The following CAPN12 variants were observed in gnomAD, a reference collection of about 807,000 sequenced individuals.
CAPN12 encodes the protein calpain 12, also known as calpain-12.
In CAPN12, 107 loss-of-function variants were observed where a neutral mutation model predicts 95.0. That is an observed-to-expected ratio of 1.13 (90% CI 0.96 to 1.32). CAPN12 has a LOEUF of 1.32. Among genes scored for constraint, CAPN12 ranks in the 40% most tolerant of loss-of-function variants. The pLI is 0.00. For missense variants in CAPN12, 1,136 were observed against 997.8 expected (o/e 1.14, Z -1.87); for synonymous variants, 505 against 415.5 (o/e 1.22, Z -2.62).
At chr19:38,734,663 C>G (rs1171925889) in intron 15 of CAPN12, 150 bp downstream of exon 15, 1 of 722,278 alleles carries the variant, frequency 1.4e-6, no homozygotes, top group Admixed American at 2.9e-5. Context: ...CACAAGATCC[C>G]CTGCAGGGAG....
In CAPN12 at chr19:38,730,370, AGAGGTG is replaced by A. The variant is rs1969486097; in HGVS notation, c.*476_*481del. 5.3e-6 allele frequency: 1 copy of A among 187,256 alleles called. No individual in the cohort carries two copies. The highest frequency in any genetic ancestry group is 1.1e-5 in the Non-Finnish European group (1 of 88,628). 11.6% of individuals were successfully genotyped at this position (187,256 alleles called of 1,614,324 possible). A position where few individuals can be genotyped will look rare whatever the true frequency, so the allele number is the denominator to read the frequency against. ...GGGCGTGGGTCTCTGGGGACCCTCC[AGAGGTG>A]GAGGTGGGCTGATGGCCTGGCTGCC... On this transcript the variant is annotated 3_prime_UTR_variant, in exon 21 of 21. Transcript: ENST00000328867.
Position 38,730,883 on chromosome 19 carries a change from G to C in CAPN12, c.2134-5C>G. ...GAAGGTGGCCACCTCCATCCACTAA[G>C]GAAGAGAAGGAAGACAGTGGCTTGA... On this transcript the variant is annotated splice_polypyrimidine_tract_variant and splice_region_variant and intron_variant, in intron 20 of 20. Coordinates refer to ENST00000328867, the MANE Select transcript of CAPN12 (RefSeq NM_144691.4). 6.4e-7 allele frequency: 1 copy of C among 1,551,594 alleles called. No homozygotes were observed. The highest frequency in any genetic ancestry group is 2.4e-5 in the East Asian group (1 of 41,076).
chr19:38,736,715 A>AGGCCCTCGCCGACCCC lies in CAPN12; in HGVS notation c.1363-168_1363-153dup, dbSNP rs1215517568. The AGGCCCTCGCCGACCCC allele has an allele frequency of 8.1e-5, 79 of 977,492 alleles. No homozygotes were observed. The South Asian group carries it at 1.1e-3, about 14-fold the overall frequency. The allele number at this position is 977,492 out of a possible 1,614,324, so 60.6% of individuals were successfully genotyped here. On this transcript the variant is annotated intron_variant, in intron 10 of 20. Transcript: ENST00000328867. ...ACCTTTGCCCCGCAGTCCCCGACCCAGGCCCTCGCCGACCCCTCCCCAACT... is the reference window on the plus strand; with the variant it reads ...ACCTTTGCCCCGCAGTCCCCGACCCAGGCCCTCGCCGACCCCGGCCCTCGCCGACCCCTCCCCAACT...
chr19:38,736,551 C>A lies in CAPN12; in HGVS notation c.1374+1G>T. On this transcript the variant is annotated splice_donor_variant, in intron 11 of 20. Transcript: ENST00000328867. LOFTEE classifies it high-confidence loss of function. ...GCCGGTTGACCCCATCCCAGACTCA[C>A]CTCCTCTGGAATCTGAAAGAAGCAA... is the stretch of plus-strand genomic sequence containing the variant. The A allele has an allele frequency of 6.5e-7, 1 of 1,538,152 alleles. No homozygotes were observed. Among genetic ancestry groups the A allele is most frequent in the South Asian group, 1.2e-5 (1 of 83,790 alleles).
chr19:38,734,466 C>A (rs1156629682), intron 15 of CAPN12, 77 bp from the exon 16 acceptor site: 2 of 1,288,396 alleles, frequency 1.6e-6, no homozygotes, highest in East Asian at 2.4e-5. Context: ...GGATGTGACT[C>A]CCTTAAGCAG....
Position 38,734,219 on chromosome 19 carries a change from G to C in CAPN12, c.1816-15C>G. The C allele has an allele frequency of 6.2e-7, 1 of 1,612,540 alleles. No homozygotes were observed. Among genetic ancestry groups the C allele is most frequent in the South Asian group, 1.1e-5 (1 of 91,064 alleles). On this transcript the variant is annotated splice_polypyrimidine_tract_variant and intron_variant, in intron 16 of 20. Transcript: ENST00000328867. ...CTTTGCCCATGCTGTGTTGGGGGTC[G>C]GGGGCATCTGGTTAAGGTCAATCTC...
rs75041923 is a variant in CAPN12, at chr19:38,733,315, C to A, written c.1957+388G>T. The A allele has an allele frequency of 1.4e-3, 250 of 183,264 alleles. 1 individual carries two copies. Among genetic ancestry groups the A allele is most frequent in the African/African-American group, 5.5e-3 (233 of 42,450 alleles). The allele number at this position is 183,264 out of a possible 1,614,324, so 11.4% of individuals were successfully genotyped here. On this transcript the variant is annotated intron_variant, in intron 18 of 20. Coordinates refer to ENST00000328867, the MANE Select transcript of CAPN12 (RefSeq NM_144691.4). The stretch of plus-strand genomic sequence containing the variant: ...GAGATGAAGTCAAGTGCCCAGGGCC[C>A]CTCCTGGAGTCAGTAGAGTGAGGAT...
rs372500895 is a variant in CAPN12 at position 38,739,832 on chromosome 19, TAAAC to T, written c.729+215_729+218del. On this transcript the variant is annotated intron_variant, in intron 5 of 20. Coordinates refer to ENST00000328867, the MANE Select transcript of CAPN12 (RefSeq NM_144691.4). ...AGTGACACTAACACAGAATGAGAAA[TAAAC>T]ATAGTTGCAACACCCTCAGCATCTG... The T allele has an allele frequency of 3.0e-4, 140 of 459,424 alleles. 1 individual carries two copies. In the South Asian group the frequency reaches 5.6e-3, roughly 18 times the overall value. The allele number at this position is 459,424 out of a possible 1,614,324, so 28.5% of individuals were successfully genotyped here. A position where few individuals can be genotyped will look rare whatever the true frequency, so the allele number is the denominator to read the frequency against.
At chr19:38,739,491 A>T (rs1015831634) in intron 5 of CAPN12, 2 of 106,212 alleles carry the variant, frequency 1.9e-5, no homozygotes, top group African/African-American at 3.1e-5. Flanking sequence ...GAGTAGAGAG[A>T]CAGAGACAGA....
chr19:38,742,605 C>A (rs1298209133), intron 2 of CAPN12, 77 bp from the exon 3 acceptor site: 3 of 1,027,536 alleles, frequency 2.9e-6, no homozygotes, highest in Admixed American at 5.2e-5. Context: ...CTAATCCCAG[C>A]ACTTTGGGAG....
chr19:38,743,200 G>A (rs1970663107), intron 1 of CAPN12, 98 bp from the exon 2 acceptor site: 1 of 1,429,642 alleles, frequency 7.0e-7, no homozygotes, highest in South Asian at 1.2e-5. Context: ...AGGCCTGGAA[G>A]CCTGTGGGCA....
rs1212240650 is a variant in CAPN12, at chr19:38,737,214, C to A, written c.1304G>T (p.Arg435Leu). The change falls in exon 10 of 21, where the codon CGG becomes CTG. Residue 435 changes from arginine (R) to leucine (L), a missense_variant. By Grantham distance (102) the Arg-to-Leu change is moderately radical. Coordinates refer to ENST00000328867, the MANE Select transcript of CAPN12 (RefSeq NM_144691.4). ...TVLLSLIQRN[R>L]RRLRAKGLTY... is the part of the protein sequence containing the mutation. ...GAGGCCCTTGGCTCTCAGGCGCCGC[C>A]GGTTGCGCTGGATGAGGGACAGAAG... is the stretch of plus-strand genomic sequence containing the variant. The A allele has an allele frequency of 6.4e-7, 1 of 1,550,902 alleles. No individual in the cohort carries two copies. Among genetic ancestry groups the A allele is most frequent in the Non-Finnish European group, 8.7e-7 (1 of 1,148,272 alleles).
chr19:38,738,590 A>G lies in CAPN12; in HGVS notation c.788T>C (p.Ile263Thr), dbSNP rs1190841182. ...EGLVKGHAYS[I>T]TGTHKVFLGF... The stretch of plus-strand genomic sequence containing the variant: ...GACACTTACCTTGTGTGTGCCCGTG[A>G]TGGAATACGCGTGTCCCTTTACCAG... Residue 263 changes from isoleucine to threonine, a missense_variant, in exon 6 of 21, where the codon ATC (isoleucine) becomes ACC (threonine). Physicochemically the swap from Ile to Thr is moderately conservative, Grantham distance 89. Coordinates refer to ENST00000328867, the MANE Select transcript of CAPN12 (RefSeq NM_144691.4). 2 of 1,614,020 alleles carry G rather than the reference A, an allele frequency of 1.2e-6. No homozygotes were observed. Among genetic ancestry groups the G allele is most frequent in the African/African-American group, 2.7e-5 (2 of 75,040 alleles).
chr19:38,730,599 G>GAGCTAGCACTGTCTT lies in CAPN12; in HGVS notation c.*238_*252dup. 1 of 588,752 alleles carries GAGCTAGCACTGTCTT rather than the reference G, an allele frequency of 1.7e-6. No homozygotes were observed. The allele number at this position is 588,752 out of a possible 1,614,324, so 36.5% of individuals were successfully genotyped here. ...TCCACCTTCTAGGAGAGCCAGGGCA[G>GAGCTAGCACTGTCTT]AGCTAGCACTGTCTTAAGCTGTCAA... On this transcript the variant is annotated 3_prime_UTR_variant, in exon 21 of 21. Coordinates refer to ENST00000328867, the MANE Select transcript of CAPN12 (RefSeq NM_144691.4).
intron 5 of CAPN12, 51 bp downstream of exon 5, chr19:38,740,000 A>G (rs760155752): frequency 2.5e-5 from 37 of 1,491,736 alleles, no homozygotes; most frequent in Middle Eastern, 5.0e-4. Context: ...CACACCCCTG[A>G]CTGTGCTCTG....
rs1555848839 is a variant in CAPN12, at chr19:38,736,231, C to CGCGGCGGGCGCTGA, written c.1448_1461dup (p.Asp488SerfsTer7). 189 of 1,493,430 alleles carry CGCGGCGGGCGCTGA rather than the reference C, an allele frequency of 1.3e-4. No individual in the cohort carries two copies. The South Asian group carries it at 2.3e-3, about 18-fold the overall frequency. 92.5% of individuals were successfully genotyped at this position (1,493,430 alleles called of 1,614,324 possible). ...CGCAGGCAGCAGCGGCGGGTCACGT[C>CGCGGCGGGCGCTGA]GCGGCGGGCGCTGAGGGGCGAGCGG... On this transcript the variant is annotated frameshift_variant, in exon 12 of 21. Transcript: ENST00000328867. LOFTEE classifies it high-confidence loss of function.
chr19:38,741,999 G>C, intron 3 of CAPN12, 89 bp from the exon 4 acceptor site: 1 of 1,537,364 alleles, frequency 6.5e-7, no homozygotes, highest in Non-Finnish European at 8.8e-7. Flanking sequence ...CCAGAGTCAG[G>C]AATTACAGCC....
chr19:38,738,409 C>T lies in CAPN12; in HGVS notation c.890+9G>A, dbSNP rs1970347632. On this transcript the variant is annotated intron_variant, in intron 7 of 20. Transcript: ENST00000328867. Reference sequence around the variant, plus strand: ...GTCCAGCCCCACACCCACCCCAGACCCATCCCACCTGTCGCTCCAGGCCCC... The same window carrying T: ...GTCCAGCCCCACACCCACCCCAGACTCATCCCACCTGTCGCTCCAGGCCCC... 6.2e-7 allele frequency: 1 copy of T among 1,610,614 alleles called. No homozygotes were observed. Among genetic ancestry groups the T allele is most frequent in the Admixed American group, 1.7e-5 (1 of 59,936 alleles).
At position 38,741,761 on chromosome 19, in the gene CAPN12, G is replaced by A. The variant is rs1970557722; in HGVS notation, c.560+16C>T. 6.2e-7 allele frequency: 1 copy of A among 1,613,564 alleles called. No individual in the cohort carries two copies. The highest frequency in any genetic ancestry group is 8.5e-7 in the Non-Finnish European group (1 of 1,179,920). ...GGGGACTTAGGGCTGCAGCTGGTTG[G>A]AACTGGGGTCCTCACTTGGCGTAGG... On this transcript the variant is annotated intron_variant, in intron 4 of 20. Coordinates refer to ENST00000328867, the MANE Select transcript of CAPN12 (RefSeq NM_144691.4).
Sources: allele counts gnomAD v4.1 joint callset, GRCh38; gene constraint gnomAD v4.1.1; transcripts MANE v1.5; gene names NCBI Gene and HGNC (gene_info 2026-07-23, HGNC 2026-07-21).